Variants in IGSF10 observed in about 807,000 individuals in gnomAD.
The protein encoded by IGSF10 is calvaria mechanical force protein 608.
In IGSF10, 126 loss-of-function variants were observed where a neutral mutation model predicts 128.2. The observed-to-expected ratio is 0.98, with a 90% CI of 0.85 to 1.14. The LOEUF is 1.14. Among genes scored for constraint, IGSF10 ranks in the 50% most tolerant of loss-of-function variants. The pLI, the probability that IGSF10 is intolerant of heterozygous loss-of-function variation, is 0.00. For synonymous variants in IGSF10, 1,185 were observed against 1,146.2 expected (o/e 1.03, Z -0.68); for missense variants, 3,295 against 3,149.8 (o/e 1.05, Z -1.10).
At position 151,453,791 on chromosome 3, in the gene IGSF10, A is replaced by AT. The variant is rs1553834890; in HGVS notation, c.325-18_325-17insA. The AT allele has an allele frequency of 7.0e-7, 1 of 1,422,892 alleles. No individual in the cohort carries two copies. The highest frequency in any genetic ancestry group is 9.5e-7 in the Non-Finnish European group (1 of 1,049,978). The allele number at this position is 1,422,892 out of a possible 1,614,324, so 88.1% of individuals were successfully genotyped here. ...TTTTAAGACCTATGAATTAAAAAAA[A>AT]GAACATATTTATGTTGTCAAAGGAA... On this transcript the variant is annotated splice_polypyrimidine_tract_variant and intron_variant, in intron 4 of 7. Transcript: ENST00000282466.
the IGSF10 span, among the ~76,000 whole-genome samples, chr3:151,568,179 A>C: frequency 6.6e-6 from 1 of 152,132 alleles, no homozygotes; most frequent in African/African-American, 2.4e-5. Context: ...CAAAAAAAGT[A>C]CTTTTTCCTC....
chr3:151,551,902 G>C, the IGSF10 span, among the ~76,000 whole-genome samples: 1 of 152,086 alleles, frequency 6.6e-6, no homozygotes, highest in African/African-American at 2.4e-5. Flanking sequence ...ATTCAAACAA[G>C]TTGTGATCAT....
At chr3:151,456,440 A>G (rs1303227300) in intron 4 of IGSF10, among the ~76,000 whole-genome samples, 1 of 152,224 alleles carries the variant, frequency 6.6e-6, no homozygotes, top group Non-Finnish European at 1.5e-5. Flanking sequence ...GCGTCTTGAA[A>G]GCTTCAAGTC....
In IGSF10 at chr3:151,457,080, G is replaced by T. The variant is rs774315574; in HGVS notation, c.270C>A (p.Ser90Arg). The change falls in exon 4 of 8, where the codon AGC becomes AGA. Residue 90 changes from serine (S) to arginine (R), a missense_variant. Physicochemically the swap from Ser to Arg is moderately radical, Grantham distance 110 (BLOSUM62 -1). Transcript: ENST00000282466. Reference protein sequence around the residue: ...LTKLELLMLHSNGIHTIPDKT... With the variant: ...LTKLELLMLHRNGIHTIPDKT... ...TGTCAGGGATTGTGTGAATGCCATT[G>T]CTGTGAAGCATGAGTAACTCCAGTT... The T allele has an allele frequency of 6.2e-7, 1 of 1,614,114 alleles. No homozygotes were observed. The highest frequency in any genetic ancestry group is 2.2e-5 in the East Asian group (1 of 44,876).
upstream of IGSF10, among the ~76,000 whole-genome samples, chr3:151,464,918 A>C (rs1272150819): frequency 6.6e-6 from 1 of 152,228 alleles, no homozygotes; most frequent in Non-Finnish European, 1.5e-5. Context: ...ACATGACTTG[A>C]AGACTTTATA....
At chr3:151,590,667 A>C in the IGSF10 span, among the ~76,000 whole-genome samples, 1 of 152,226 alleles carries the variant, frequency 6.6e-6, no homozygotes, top group Non-Finnish European at 1.5e-5. Flanking sequence ...TCATGCAGAG[A>C]TGGCTCAGAT....
chr3:151,437,943 G>A lies in IGSF10; in HGVS notation c.6618C>T (p.Leu2206=), dbSNP rs754965156. Residue 2206 remains leucine, a synonymous_variant, in exon 8 of 8, where the codon CTC becomes CTT. Transcript: ENST00000282466. ...GSLTINKVKL[L]DSGEYVCVAR... Reference sequence around the variant, plus strand: ...CTACACATACGTACTCTCCAGAATCGAGCAGTTTCACTTTGTTGATGGTCA... The same window carrying A: ...CTACACATACGTACTCTCCAGAATCAAGCAGTTTCACTTTGTTGATGGTCA... The A allele has an allele frequency of 5.0e-6, 8 of 1,614,056 alleles. No individual in the cohort carries two copies. The highest frequency in any genetic ancestry group is 1.7e-5 in the Admixed American group (1 of 59,996).
rs1720473963 is a variant in IGSF10 at position 151,437,682 on chromosome 3, A to G, written c.6879T>C (p.His2293=). 7 of 1,614,026 alleles carry G rather than the reference A, an allele frequency of 4.3e-6. No individual in the cohort carries two copies. Among genetic ancestry groups the G allele is most frequent in the Non-Finnish European group, 5.9e-6 (7 of 1,180,036 alleles). Residue 2293 remains histidine (H), a synonymous_variant, in exon 8 of 8, where the codon CAT becomes CAC. Coordinates refer to ENST00000282466, the MANE Select transcript of IGSF10 (RefSeq NM_178822.5). ...TCCTAATTTCCAAGGTTCCATTTTT[A>G]TGGACTGTGATTCTGCTTCCATAGT... is the stretch of plus-strand genomic sequence containing the variant. ...APYYGSRITV[H]KNGTLEIRNV...
rs746257775 is a variant in IGSF10 at position 151,448,911 on chromosome 3, G to T, written c.1070C>A (p.Ser357Ter). The change falls in exon 6 of 8, where the codon TCA (serine) becomes TAA (stop). Residue 357 changes from serine to a stop codon, truncating the protein, a stop_gained. Coordinates refer to ENST00000282466, the MANE Select transcript of IGSF10 (RefSeq NM_178822.5). LOFTEE classifies it high-confidence loss of function. ...GTTGCACACCAAAAATGTTGAAAAT[G>T]AAGTATTTAGCACGATGTAGTCATT... ...EENDYIVLNT[S>*]FSTFLVCNID... 1.2e-6 allele frequency: 2 copies of T among 1,614,216 alleles called. No homozygotes were observed. Among genetic ancestry groups the T allele is most frequent in the East Asian group, 4.5e-5 (2 of 44,886 alleles).
intron 5 of IGSF10, among the ~76,000 whole-genome samples, chr3:151,451,214 C>T (rs1382732254): frequency 5.3e-5 from 8 of 151,106 alleles, no homozygotes; most frequent in East Asian, 3.9e-4. Flanking sequence ...CTCTGGCATA[C>T]GCTGTTCCTT....
chr3:151,438,086 CT>C lies in IGSF10; in HGVS notation c.6474del (p.Ala2159LeufsTer24). ...KTNKRIKAGDTAVLDCEVTGD... is the reference protein window; with the variant it reads ...KTNKRIKAGDXAVLDCEVTGD... ...CCAGTGACCTCACAGTCAAGGACAG[CT>C]GTGTCTCCAGCTTTGATTCTCTTGT... On this transcript the variant is annotated frameshift_variant, in exon 8 of 8. Transcript: ENST00000282466. LOFTEE classifies it low-confidence loss of function (END_TRUNC). 6.2e-7 allele frequency: 1 copy of C among 1,614,222 alleles called. No individual in the cohort carries two copies. Among genetic ancestry groups the C allele is most frequent in the Non-Finnish European group, 8.5e-7 (1 of 1,180,046 alleles).
chr3:151,445,611 A>C lies in IGSF10; in HGVS notation c.4370T>G (p.Ile1457Ser), dbSNP rs1221160211. The C allele has an allele frequency of 1.2e-6, 2 of 1,614,198 alleles. No individual in the cohort carries two copies. The highest frequency in any genetic ancestry group is 1.7e-6 in the Non-Finnish European group (2 of 1,180,024). ...GAATGGTGGTATGGTTGAGTGTCTA[A>C]TGATTGCTTTCCTAGTTGTGGTACT... ...HQSTTTRKAI[I>S]RHSTIPPFLS... The change falls in exon 6 of 8, where the codon ATT becomes AGT. Residue 1457 changes from isoleucine to serine, a missense_variant. Coordinates refer to ENST00000282466, the MANE Select transcript of IGSF10 (RefSeq NM_178822.5).
At chr3:151,557,606 C>A in the IGSF10 span, among the ~76,000 whole-genome samples, 1 of 151,882 alleles carries the variant, frequency 6.6e-6, no homozygotes, top group South Asian at 2.1e-4. Context: ...TGTGAGTGAC[C>A]CAAGATCCTT....
At chr3:151,595,839 G>T in the IGSF10 span, among the ~76,000 whole-genome samples, 3 of 151,820 alleles carry the variant, frequency 2.0e-5, no homozygotes, top group African/African-American at 7.2e-5. Context: ...AGGGTACAAA[G>T]TTGCAGTTAC....
chr3:151,436,585 C>T lies in IGSF10; in HGVS notation c.*104G>A, dbSNP rs1251609512. Reference sequence around the variant, plus strand: ...TTGCATGTTCATTGTAAATTTAATACTGTAAATGTATTCAAATTCATTTAC... The same window carrying T: ...TTGCATGTTCATTGTAAATTTAATATTGTAAATGTATTCAAATTCATTTAC... On this transcript the variant is annotated 3_prime_UTR_variant, in exon 8 of 8. Coordinates refer to ENST00000282466, the MANE Select transcript of IGSF10 (RefSeq NM_178822.5). The T allele has an allele frequency of 2.6e-6, 2 of 755,300 alleles. No homozygotes were observed. The highest frequency in any genetic ancestry group is 2.2e-6 in the Non-Finnish European group (1 of 458,472). 46.8% of individuals were successfully genotyped at this position (755,300 alleles called of 1,614,324 possible). A position where few individuals can be genotyped will look rare whatever the true frequency, so the allele number is the denominator to read the frequency against.
At chr3:151,481,338 C>G in the IGSF10 span, among the ~76,000 whole-genome samples, 1 of 152,176 alleles carries the variant, frequency 6.6e-6, no homozygotes, top group Non-Finnish European at 1.5e-5. Context: ...TTGTTCCCTA[C>G]CCGCAGGGTC....
chr3:151,576,144 T>TCTGCTATATCAAGTAG, the IGSF10 span, among the ~76,000 whole-genome samples: 1 of 151,800 alleles, frequency 6.6e-6, no homozygotes, highest in Non-Finnish European at 1.5e-5. Context: ...TCTTCCAGTT[T>TCTGCTATATCAAGTAG]CTGCTATATC....
the IGSF10 span, among the ~76,000 whole-genome samples, chr3:151,528,818 C>CCA: frequency 8.7e-6 from 1 of 115,234 alleles, no homozygotes; most frequent in African/African-American, 3.2e-5. Flanking sequence ...TTTTTTTTTT[C>CCA]ATACCCCAGT....
the IGSF10 span, among the ~76,000 whole-genome samples, chr3:151,498,625 C>T: frequency 1.3e-5 from 2 of 152,126 alleles, no homozygotes; most frequent in South Asian, 2.1e-4. Flanking sequence ...CAATGTATAG[C>T]GAATGCAGTA....
Sources: allele counts gnomAD v4.1 joint callset (sites outside exome capture counted in the v4.1 genomes callset), GRCh38; gene constraint gnomAD v4.1.1; transcripts MANE v1.5; gene names NCBI Gene and HGNC (gene_info 2026-07-23, HGNC 2026-07-21).